The following COX16 variants were observed in gnomAD, a reference collection of about 807,000 sequenced individuals.
The protein encoded by COX16 is cytochrome c oxidase assembly protein COX16 homolog, mitochondrial.
A neutral mutation model predicts 15.4 loss-of-function variants in COX16; 12 were observed. The ratio of observed to expected loss-of-function variants is 0.78; its 90% CI spans 0.50 to 1.26. COX16 has a LOEUF of 1.26. COX16 is among the 50% of genes most tolerant of loss of function. The pLI is 0.00. For synonymous variants in COX16, 46 were observed against 41.1 expected (o/e 1.12, Z -0.46); for missense variants, 124 against 127.6 (o/e 0.97, Z 0.14).
chr14:70,337,255 G>A (rs189903119), intron 2 of COX16, among the ~76,000 whole-genome samples: 1 of 152,192 alleles, frequency 6.6e-6, no homozygotes, highest in East Asian at 2.0e-4. Context: ...AGCCATGTAG[G>A]TCCATGGACA....
Position 70,326,281 on chromosome 14 carries a change from T to A in COX16, c.*52A>T. On this transcript the variant is annotated 3_prime_UTR_variant, in exon 4 of 4. Coordinates refer to ENST00000389912, the MANE Select transcript of COX16 (RefSeq NM_016468.7). ...TAGAAGTATATATTAGGAAGTCCAG[T>A]TAATAATATTTTTATTTAAAAAAAA... The A allele has an allele frequency of 7.4e-7, 1 of 1,359,026 alleles. No homozygotes were observed. The allele number at this position is 1,359,026 out of a possible 1,614,324, so 84.2% of individuals were successfully genotyped here.
At chr14:70,350,411 G>A (rs1886917557) in intron 1 of COX16, among the ~76,000 whole-genome samples, 1 of 152,070 alleles carries the variant, frequency 6.6e-6, no homozygotes, top group African/African-American at 2.4e-5. Flanking sequence ...CATTAAAACA[G>A]CATGTTGCTC....
At chr14:70,342,803 T>C in intron 1 of COX16, 74 bp from the exon 2 acceptor site, 2 of 1,520,030 alleles carry the variant, frequency 1.3e-6, no homozygotes, top group Non-Finnish European at 1.8e-6. Flanking sequence ...ATAGATTGCT[T>C]TTCTAAACAA....
rs896993597 is a variant in COX16 at position 70,326,184 on chromosome 14, T to TATTTG, written c.*148_*149insCAAAT. ...AGTATAAAAACCTGTACATGACCTT[T>TATTTG]AGTGAAGATTATTTGTCATCAAATT... On this transcript the variant is annotated 3_prime_UTR_variant, in exon 4 of 4. Coordinates refer to ENST00000389912, the MANE Select transcript of COX16 (RefSeq NM_016468.7). 7 of 513,060 alleles carry TATTTG rather than the reference T, an allele frequency of 1.4e-5. No individual in the cohort carries two copies. Among genetic ancestry groups the TATTTG allele is most frequent in the Middle Eastern group, 5.6e-4 (1 of 1,770 alleles). The allele number at this position is 513,060 out of a possible 1,614,324, so 31.8% of individuals were successfully genotyped here.
chr14:70,345,000 G>A (rs951076179), intron 1 of COX16, among the ~76,000 whole-genome samples: 5 of 150,864 alleles, frequency 3.3e-5, no homozygotes, highest in Non-Finnish European at 7.4e-5. Context: ...TTGTCTGTTG[G>A]TGCGCTCTCA....
intron 3 of COX16, 134 bp downstream of exon 3, chr14:70,329,035 ATTTGC>A (rs1594906233): frequency 3.3e-6 from 2 of 613,846 alleles, no homozygotes; most frequent in East Asian, 7.6e-5. Flanking sequence ...CCATCTTTTT[ATTTGC>A]TTTTCAAATG....
chr14:70,345,496 G>A (rs1320883875), intron 1 of COX16, among the ~76,000 whole-genome samples: 2 of 152,050 alleles, frequency 1.3e-5, no homozygotes, highest in African/African-American at 4.8e-5. Context: ...AGCCCTCTAG[G>A]CTGCTTCATA....
intron 1 of COX16, among the ~76,000 whole-genome samples, chr14:70,351,850 AC>A (rs1158857297): frequency 6.6e-6 from 1 of 152,114 alleles, no homozygotes; most frequent in African/African-American, 2.4e-5. Context: ...AGTGTTTTAT[AC>A]CTTTTAATAT....
intron 3 of COX16, among the ~76,000 whole-genome samples, 187 bp downstream of exon 3, chr14:70,328,987 T>A (rs1482024227): frequency 6.6e-6 from 1 of 152,124 alleles, no homozygotes; most frequent in African/African-American, 2.4e-5. Flanking sequence ...TCTTGATCCA[T>A]CTGGAATTTA....
intron 1 of COX16, among the ~76,000 whole-genome samples, chr14:70,358,371 A>ATT (rs34871293): frequency 0.13 from 11,584 of 92,458 alleles, 447 homozygotes; most frequent in East Asian, 0.18. Flanking sequence ...AAAAACAACA[A>ATT]TTTTTTTTTT....
At chr14:70,353,439 CAT>C (rs372100126) in intron 1 of COX16, among the ~76,000 whole-genome samples, 3 of 146,820 alleles carry the variant, frequency 2.0e-5, no homozygotes, top group African/African-American at 5.1e-5. Flanking sequence ...CATATACACA[CAT>C]ATATATACAC....
At chr14:70,350,105 T>G (rs904379534) in intron 1 of COX16, among the ~76,000 whole-genome samples, 2 of 152,160 alleles carry the variant, frequency 1.3e-5, no homozygotes, top group African/African-American at 4.8e-5. Flanking sequence ...TGTAAGATTC[T>G]CCCCGGGGCC....
intron 1 of COX16, among the ~76,000 whole-genome samples, chr14:70,352,179 C>G (rs965338984): frequency 6.6e-6 from 1 of 152,046 alleles, no homozygotes; most frequent in Non-Finnish European, 1.5e-5. Context: ...CTGGTCTGTA[C>G]TTTTTTATTT....
chr14:70,340,092 G>T (rs767347888), intron 2 of COX16, among the ~76,000 whole-genome samples: 11 of 152,140 alleles, frequency 7.2e-5, no homozygotes, highest in Non-Finnish European at 1.3e-4. Context: ...ATCTTATCTT[G>T]AATTGTAGTT....
At chr14:70,355,413 T>C (rs1887096310) in intron 1 of COX16, among the ~76,000 whole-genome samples, 1 of 152,180 alleles carries the variant, frequency 6.6e-6, no homozygotes, top group Non-Finnish European at 1.5e-5. Flanking sequence ...TTTTCTCTTC[T>C]TCTCTATTCA....
chr14:70,358,281 T>A (rs1439066260), intron 1 of COX16, among the ~76,000 whole-genome samples: 1 of 151,892 alleles, frequency 6.6e-6, no homozygotes, highest in Non-Finnish European at 1.5e-5. Context: ...AATGAAAATG[T>A]TCTAAAATTG....
chr14:70,332,777 TCTCAA>T (rs1886330500), intron 2 of COX16, among the ~76,000 whole-genome samples: 1 of 152,206 alleles, frequency 6.6e-6, no homozygotes, highest in Non-Finnish European at 1.5e-5. Flanking sequence ...AGGGGTCCAG[TCTCAA>T]CTCCAGTCCC....
At chr14:70,327,962 G>A (rs1886135939) in intron 3 of COX16, among the ~76,000 whole-genome samples, 1 of 151,854 alleles carries the variant, frequency 6.6e-6, no homozygotes, top group East Asian at 1.9e-4. Flanking sequence ...GGAGTTTCCA[G>A]GCCTGCCAGA....
chr14:70,359,112 T>G, intron 1 of COX16: 1 of 448,302 alleles, frequency 2.2e-6, no homozygotes, highest in Middle Eastern at 3.3e-4. Context: ...ATCCACAGTA[T>G]CGTCAAAACA....
Sources: gnomAD v4.1 joint callset for allele counts (sites outside exome capture counted in the v4.1 genomes callset) on GRCh38, gnomAD v4.1.1 for gene constraint, MANE v1.5 for transcripts, NCBI Gene and HGNC (gene_info 2026-07-23, HGNC 2026-07-21) for gene names.